MCTP1: variants seen among roughly 807,000 people sequenced by gnomAD.
MCTP1 encodes the protein multiple C2 and transmembrane domain-containing protein 1.
In MCTP1, 69 loss-of-function variants were observed where a neutral mutation model predicts 120.6. That is an observed-to-expected ratio of 0.57 (90% CI 0.47 to 0.70). MCTP1 has a LOEUF of 0.70. Among genes scored for constraint, MCTP1 ranks in the 30% least tolerant of loss-of-function variants. The pLI, the probability that MCTP1 is intolerant of heterozygous loss-of-function variation, is 0.00. For missense variants in MCTP1, 1,203 were observed against 1,248.8 expected (o/e 0.96, Z 0.55); for synonymous variants, 529 against 493.1 (o/e 1.07, Z -0.96).
chr5:94,923,331 T>C (rs1032506334), intron 7 of MCTP1, among the ~76,000 whole-genome samples: 2 of 152,000 alleles, frequency 1.3e-5, no homozygotes, highest in African/African-American at 4.8e-5. Context: ...TAGTAATAAA[T>C]TGTGCTGTGC....
intron 19 of MCTP1, among the ~76,000 whole-genome samples, chr5:94,769,857 A>T (rs1444601380): frequency 1.8e-4 from 27 of 152,200 alleles, no homozygotes; most frequent in Admixed American, 1.8e-3. Context: ...GAAGCCACAC[A>T]TTTCTTGAAG....
chr5:94,708,456 AC>A, intron 22 of MCTP1, 55 bp downstream of exon 22: 1 of 1,071,404 alleles, frequency 9.3e-7, no homozygotes, highest in Non-Finnish European at 1.4e-6. Context: ...AAAAGCTAAA[AC>A]CCCATGCCAC....
chr5:94,710,995 T>C lies in MCTP1; in HGVS notation c.2721-68A>G, dbSNP rs2290299. The C allele has an allele frequency of 6.5e-5, 70 of 1,071,424 alleles. No homozygotes were observed. The East Asian group carries it at 1.6e-3, about 24-fold the overall frequency. 66.4% of individuals were successfully genotyped at this position (1,071,424 alleles called of 1,614,324 possible). On this transcript the variant is annotated intron_variant, in intron 20 of 22. Coordinates refer to ENST00000515393, the MANE Select transcript of MCTP1 (RefSeq NM_024717.7). ...CTTTTTTCAAATATTAAAATACATA[T>C]GATTCTAACTTGGGACCTAGTTAGT...
At chr5:94,883,320 T>C (rs903742975) in intron 12 of MCTP1, among the ~76,000 whole-genome samples, 7 of 152,212 alleles carry the variant, frequency 4.6e-5, no homozygotes, top group Admixed American at 1.3e-4. Context: ...CACTATCTGC[T>C]TAAAAGTCTT....
chr5:94,798,866 T>C (rs1240347421), intron 18 of MCTP1, 147 bp downstream of exon 18: 1 of 683,016 alleles, frequency 1.5e-6, no homozygotes. Flanking sequence ...CAAAGAGTTG[T>C]TAGTTTTGAC....
chr5:95,203,794 C>T (rs1751328453), intron 1 of MCTP1, among the ~76,000 whole-genome samples: 1 of 152,170 alleles, frequency 6.6e-6, no homozygotes, highest in South Asian at 2.1e-4. Context: ...GAGTAAAAAG[C>T]ATTAATCTTC....
chr5:94,819,825 A>G (rs1055011287), intron 17 of MCTP1, among the ~76,000 whole-genome samples: 10 of 152,172 alleles, frequency 6.6e-5, no homozygotes, highest in Non-Finnish European at 1.5e-4. Context: ...ATTGGCCACA[A>G]ACAATACGTT....
At chr5:95,054,156 G>A (rs183415615) in intron 1 of MCTP1, among the ~76,000 whole-genome samples, 3,705 of 152,198 alleles carry the variant, frequency 0.024, 52 homozygotes, top group Admixed American at 0.039. Context: ...ATATGCCCAA[G>A]GAATACAACA....
chr5:94,764,879 A>T (rs76357133), intron 19 of MCTP1, among the ~76,000 whole-genome samples: 234 of 151,518 alleles, frequency 1.5e-3, no homozygotes, highest in African/African-American at 5.5e-3. Context: ...TTTAAACCAC[A>T]CTGTAGACCA....
chr5:94,968,550 C>T (rs1195706824), intron 2 of MCTP1, among the ~76,000 whole-genome samples: 2 of 152,152 alleles, frequency 1.3e-5, no homozygotes, highest in African/African-American at 2.4e-5. Context: ...AAATCCAAGT[C>T]ACTAATATGT....
At chr5:95,107,377 A>G (rs1472146037) in intron 1 of MCTP1, among the ~76,000 whole-genome samples, 2 of 152,338 alleles carry the variant, frequency 1.3e-5, no homozygotes, top group East Asian at 3.9e-4. Context: ...CCTTCATAAA[A>G]CTAGATGAGT....
At chr5:95,175,689 T>A (rs1360499162) in intron 1 of MCTP1, among the ~76,000 whole-genome samples, 1 of 152,176 alleles carries the variant, frequency 6.6e-6, no homozygotes, top group Non-Finnish European at 1.5e-5. Flanking sequence ...TCAGCACAAC[T>A]GGATTTTAAG....
At chr5:95,212,771 T>G (rs1327742778) in intron 1 of MCTP1, among the ~76,000 whole-genome samples, 2 of 152,142 alleles carry the variant, frequency 1.3e-5, no homozygotes, top group East Asian at 3.8e-4. Flanking sequence ...ACCACATGAT[T>G]ATCTCAATAG....
intron 1 of MCTP1, among the ~76,000 whole-genome samples, chr5:95,026,917 T>C (rs1839371717): frequency 6.6e-6 from 1 of 152,224 alleles, no homozygotes; most frequent in African/African-American, 2.4e-5. Context: ...GATTTCTACT[T>C]AGTCATGACC....
intron 19 of MCTP1, among the ~76,000 whole-genome samples, chr5:94,760,877 G>T (rs1451485799): frequency 1.3e-5 from 2 of 151,886 alleles, no homozygotes; most frequent in Admixed American, 6.6e-5. Flanking sequence ...TAGAGACAGG[G>T]TCCCACTATG....
intron 17 of MCTP1, among the ~76,000 whole-genome samples, chr5:94,841,222 C>T (rs748467317): frequency 1.6e-4 from 24 of 152,080 alleles, no homozygotes; most frequent in Non-Finnish European, 2.9e-4. Flanking sequence ...CAGAAAGGTG[C>T]CACTGAAAAT....
At chr5:95,204,462 G>A (rs1204281360) in intron 1 of MCTP1, among the ~76,000 whole-genome samples, 1 of 152,136 alleles carries the variant, frequency 6.6e-6, no homozygotes, top group Admixed American at 6.5e-5. Flanking sequence ...CCTAAGATCA[G>A]GAACAAGCAA....
chr5:95,284,223 C>T lies in MCTP1; in HGVS notation c.353G>A (p.Gly118Glu). 1 of 1,581,256 alleles carries T rather than the reference C, an allele frequency of 6.3e-7. No homozygotes were observed. The highest frequency in any genetic ancestry group is 1.4e-5 in the African/African-American group (1 of 73,360). ...GCGGATCCGGCGGCGTAGCGTGGAC[C>T]CCTGCTCGGCTCTGCCGGCGCCGCC... ...EPGGAGRAEQGSTLRRRIREH... is the reference protein window; with the variant it reads ...EPGGAGRAEQESTLRRRIREH... The change falls in exon 1 of 23, where the codon GGG (glycine) becomes GAG (glutamate). Residue 118 changes from glycine to glutamate, a missense_variant. Coordinates refer to ENST00000515393, the MANE Select transcript of MCTP1 (RefSeq NM_024717.7). The surrounding 1 kb of genome is among the most constrained non-coding windows in gnomAD (Gnocchi z 5.2).
chr5:94,928,110 C>T lies in MCTP1; in HGVS notation c.1212+3843G>A, dbSNP rs146014482. 5.2e-3 allele frequency among the ~76,000 whole-genome samples: 783 copies of T among 151,678 alleles called. 3 individuals carry two copies. Among genetic ancestry groups the T allele is most frequent in the African/African-American group, 0.018 (748 of 41,356 alleles). On this transcript the variant is annotated intron_variant, in intron 6 of 22. Transcript: ENST00000515393. ...CAATGCGTATGTTTTTATATCATCA[C>T]GATAATATTTGTTATATAATTGAAG... is the stretch of plus-strand genomic sequence containing the variant.
Sources: allele counts gnomAD v4.1 joint callset (sites outside exome capture counted in the v4.1 genomes callset), GRCh38; gene constraint gnomAD v4.1.1; non-coding constraint Gnocchi (gnomAD v3.1); transcripts MANE v1.5; gene names NCBI Gene and HGNC (gene_info 2026-07-23, HGNC 2026-07-21).